The following CSMD1 variants were observed in gnomAD, a reference collection of about 807,000 sequenced individuals.
CSMD1 encodes the protein CUB and Sushi multiple domains 1, also known as CUB and sushi domain-containing protein 1.
CSMD1 carries 213 observed loss-of-function variants against 417.5 expected under a neutral mutation model. The observed-to-expected ratio is 0.51, with a 90% CI of 0.46 to 0.57. The LOEUF (loss-of-function observed/expected upper bound fraction) is 0.57. Ranked by LOEUF, CSMD1 falls within the 20% of genes least tolerant of loss-of-function variation. CSMD1 has a pLI of 0.00. For synonymous variants in CSMD1, 2,862 were observed against 1,736.8 expected (o/e 1.65, Z -16.11); for missense variants, 6,923 against 4,529.7 (o/e 1.53, Z -15.17).
chr8:4,524,840 T>C (rs554142351), intron 2 of CSMD1, among the ~76,000 whole-genome samples: 2 of 152,176 alleles, frequency 1.3e-5, no homozygotes, highest in Non-Finnish European at 2.9e-5. Flanking sequence ...CAACAATTTA[T>C]ATAATAAAAA....
intron 1 of CSMD1, among the ~76,000 whole-genome samples, chr8:4,734,020 A>G (rs1810065994): frequency 6.6e-6 from 1 of 152,238 alleles, no homozygotes; most frequent in African/African-American, 2.4e-5. Flanking sequence ...AGTCCTTCTT[A>G]CAAAAATATT....
intron 1 of CSMD1, among the ~76,000 whole-genome samples, chr8:4,783,333 C>T (rs566298935): frequency 1.3e-5 from 2 of 152,230 alleles, no homozygotes; most frequent in East Asian, 1.9e-4. Context: ...CCCCAAGACC[C>T]GCAGCGCCAC....
chr8:4,823,286 CAATT>C (rs774122244), intron 1 of CSMD1, among the ~76,000 whole-genome samples: 17 of 151,982 alleles, frequency 1.1e-4, no homozygotes, highest in African/African-American at 3.6e-4. Flanking sequence ...GAATTAAAAA[CAATT>C]AATTATTTTT....
At chr8:4,993,628 A>T (rs999269636) in intron 1 of CSMD1, among the ~76,000 whole-genome samples, 10 of 152,152 alleles carry the variant, frequency 6.6e-5, no homozygotes, top group African/African-American at 2.4e-4. Context: ...GTGCGCCCAC[A>T]GTGAATGTAT....
intron 49 of CSMD1, among the ~76,000 whole-genome samples, chr8:3,072,861 G>A (rs181623448): frequency 1.6e-3 from 241 of 152,168 alleles, no homozygotes; most frequent in Non-Finnish European, 3.0e-3. Context: ...CAGTATTAAT[G>A]GGAACATAAA....
At chr8:4,074,613 T>C (rs892334245) in intron 3 of CSMD1, among the ~76,000 whole-genome samples, 3 of 152,156 alleles carry the variant, frequency 2.0e-5, no homozygotes, top group Non-Finnish European at 4.4e-5. Context: ...ACTACTGTCC[T>C]ACATTTGGGC....
At chr8:3,022,824 G>A (rs564547142) in intron 51 of CSMD1, among the ~76,000 whole-genome samples, 27 of 152,214 alleles carry the variant, frequency 1.8e-4, no homozygotes, top group African/African-American at 5.8e-4. Context: ...ATACACGAAG[G>A]CACTCCGTAT....
intron 23 of CSMD1, among the ~76,000 whole-genome samples, chr8:3,328,112 C>G (rs1451304954): frequency 6.6e-6 from 1 of 152,210 alleles, no homozygotes. Context: ...TGGTTTGTTT[C>G]TGCTATTGTG....
chr8:4,312,031 T>G (rs1300784724), intron 3 of CSMD1, among the ~76,000 whole-genome samples: 1 of 152,162 alleles, frequency 6.6e-6, no homozygotes, highest in African/African-American at 2.4e-5. Context: ...TATTATAGTG[T>G]GTTGAAATCA....
intron 41 of CSMD1, among the ~76,000 whole-genome samples, chr8:3,121,185 A>C (rs1171163197): frequency 6.6e-6 from 1 of 152,164 alleles, no homozygotes; most frequent in East Asian, 1.9e-4. Context: ...GTATTTATTT[A>C]TATTTTCAGT....
At chr8:4,733,931 G>A (rs1810060053) in intron 1 of CSMD1, among the ~76,000 whole-genome samples, 1 of 152,122 alleles carries the variant, frequency 6.6e-6, no homozygotes, top group South Asian at 2.1e-4. Flanking sequence ...TAGCATTTAT[G>A]GTAATTAGCA....
chr8:3,565,811 A>T lies in CSMD1; in HGVS notation c.1344+9134T>A, dbSNP rs146558012. ...TTACATAACCCTGAGATATCTCTCA[A>T]ATATATTGTTTTTTTTTTCTCCCCA... is the stretch of plus-strand genomic sequence containing the variant. On this transcript the variant is annotated intron_variant, in intron 10 of 69. Coordinates refer to ENST00000635120, the MANE Select transcript of CSMD1 (RefSeq NM_033225.6). Among the ~76,000 whole-genome samples the T allele has an allele frequency of 2.4e-3, 362 of 151,868 alleles. 5 individuals are homozygous for T. Among genetic ancestry groups the T allele is most frequent in the Admixed American group, 0.022 (341 of 15,278 alleles).
chr8:4,073,843 G>C (rs946984532), intron 3 of CSMD1, among the ~76,000 whole-genome samples: 1 of 151,968 alleles, frequency 6.6e-6, no homozygotes. Context: ...TAATAGTTGG[G>C]TTTAAAACAG....
At chr8:4,144,015 G>C (rs1467210333) in intron 3 of CSMD1, among the ~76,000 whole-genome samples, 1 of 151,204 alleles carries the variant, frequency 6.6e-6, no homozygotes, top group African/African-American at 2.5e-5. Flanking sequence ...GAAGGAGGAG[G>C]GCTATAGAGA....
chr8:3,150,025 T>G (rs958896779), intron 40 of CSMD1, among the ~76,000 whole-genome samples: 1 of 152,182 alleles, frequency 6.6e-6, no homozygotes, highest in Non-Finnish European at 1.5e-5. Context: ...ATTAGTTCAA[T>G]AAGTTCATGT....
intron 2 of CSMD1, among the ~76,000 whole-genome samples, chr8:4,504,007 G>A (rs543875229): frequency 2.0e-5 from 3 of 151,546 alleles, no homozygotes; most frequent in South Asian, 2.1e-4. Context: ...AAATCAGGAT[G>A]TCAAAGAGGT....
At chr8:4,435,104 G>A (rs1404565483) in intron 2 of CSMD1, among the ~76,000 whole-genome samples, 2 of 152,104 alleles carry the variant, frequency 1.3e-5, no homozygotes, top group South Asian at 2.1e-4. Flanking sequence ...AACAGTAGAT[G>A]CTAAAAATAA....
At chr8:3,118,334 A>C in intron 42 of CSMD1, 65 bp downstream of exon 42, 1 of 1,108,588 alleles carries the variant, frequency 9.0e-7, no homozygotes, top group Non-Finnish European at 1.3e-6. Context: ...ATGTTCATTT[A>C]ATATTTAATG....
chr8:4,149,670 T>G (rs1796463636), intron 3 of CSMD1, among the ~76,000 whole-genome samples: 1 of 152,218 alleles, frequency 6.6e-6, no homozygotes, highest in Admixed American at 6.5e-5. Flanking sequence ...TGCTAAGTGC[T>G]ACACTGAAGG....
Sources: allele counts gnomAD v4.1 joint callset (sites outside exome capture counted in the v4.1 genomes callset), GRCh38; gene constraint gnomAD v4.1.1; transcripts MANE v1.5; gene names NCBI Gene and HGNC (gene_info 2026-07-23, HGNC 2026-07-21).